RPRD2: variants seen among roughly 807,000 people sequenced by gnomAD.
RPRD2 encodes regulation of nuclear pre-mRNA domain containing 2, also known as regulation of nuclear pre-mRNA domain-containing protein 2.
A neutral mutation model predicts 104.4 loss-of-function variants in RPRD2; 12 were observed. The observed-to-expected ratio is 0.11, with a 90% CI of 0.07 to 0.19. The LOEUF is 0.19. RPRD2 is among the 10% of genes least tolerant of loss of function. The probability of loss-of-function intolerance (pLI) is 1.00; values close to 1 mark genes in which losing one functional copy is unlikely to be tolerated. For missense variants in RPRD2, 1,543 were observed against 1,790.1 expected (o/e 0.86, Z 2.49); for synonymous variants, 714 against 684.9 (o/e 1.04, Z -0.66).
intron 1 of RPRD2, among the ~76,000 whole-genome samples, chr1:150,392,276 T>C (rs371416578): frequency 7.2e-5 from 11 of 152,058 alleles, no homozygotes; most frequent in African/African-American, 2.2e-4. Context: ...GAGGCCAAGA[T>C]GGGTGGATCA....
At chr1:150,388,495 G>A (rs925341047) in intron 1 of RPRD2, among the ~76,000 whole-genome samples, 46 of 86,406 alleles carry the variant, frequency 5.3e-4, no homozygotes, top group Admixed American at 3.1e-3. Flanking sequence ...ATATATACCC[G>A]CGCACACACA....
intron 2 of RPRD2, among the ~76,000 whole-genome samples, chr1:150,439,869 GTTT>G (rs149319756): frequency 1.3e-4 from 20 of 151,896 alleles, no homozygotes; most frequent in African/African-American, 4.8e-4. Context: ...TTCCTGCATT[GTTT>G]TTTATTTCTT....
Position 150,399,756 on chromosome 1 carries a change from CA to C in RPRD2, c.206-17825del, listed in dbSNP as rs35551359. 2.7e-3 allele frequency among the ~76,000 whole-genome samples: 342 copies of C among 126,942 alleles called. 1 individual carries two copies. Among genetic ancestry groups the C allele is most frequent in the African/African-American group, 3.9e-3 (123 of 31,320 alleles). 83.3% of individuals were successfully genotyped at this position (126,942 alleles called of 152,430 possible). On this transcript the variant is annotated intron_variant, in intron 1 of 10. Transcript: ENST00000369068. Reference sequence around the variant, plus strand: ...TGGGTGACAGAGTGAGACCCCATCTCAAAAAAAAAAAAAAATTGATTGCCCA... The same window carrying C: ...TGGGTGACAGAGTGAGACCCCATCTCAAAAAAAAAAAAAATTGATTGCCCA...
At chr1:150,416,085 T>C (rs1340672182) in intron 1 of RPRD2, among the ~76,000 whole-genome samples, 2 of 152,154 alleles carry the variant, frequency 1.3e-5, no homozygotes, top group Non-Finnish European at 2.9e-5. Context: ...TATGATTTAA[T>C]TTTTTGTATG....
At chr1:150,461,099 GAAAT>G (rs1180629205) in intron 9 of RPRD2, among the ~76,000 whole-genome samples, 2 of 151,492 alleles carry the variant, frequency 1.3e-5, no homozygotes, top group Non-Finnish European at 2.9e-5. Context: ...CAAAGAGAAT[GAAAT>G]AAATATCTAG....
Position 150,401,645 on chromosome 1 carries a change from T to G in RPRD2, c.206-15951T>G, listed in dbSNP as rs587613770. Reference sequence around the variant, plus strand: ...CCTTTCATAGTACTTTTGATGGTTTTGTTTTGTTTTTTTTTTGAGACGGAG... The same window carrying G: ...CCTTTCATAGTACTTTTGATGGTTTGGTTTTGTTTTTTTTTTGAGACGGAG... On this transcript the variant is annotated intron_variant, in intron 1 of 10. Transcript: ENST00000369068. Among the ~76,000 whole-genome samples, 52 of 151,168 alleles carry G rather than the reference T, an allele frequency of 3.4e-4. No individual in the cohort carries two copies. The South Asian group carries it at 8.6e-3, about 25-fold the overall frequency.
chr1:150,377,207 C>T, intron 1 of RPRD2, among the ~76,000 whole-genome samples: 1 of 151,208 alleles, frequency 6.6e-6, no homozygotes, highest in Admixed American at 6.6e-5. Context: ...GAGACTATCT[C>T]CAGAAAAAAA....
intron 1 of RPRD2, among the ~76,000 whole-genome samples, chr1:150,381,425 A>G (rs1217262243): frequency 6.6e-6 from 1 of 152,008 alleles, no homozygotes; most frequent in East Asian, 1.9e-4. Context: ...GGCTCCAAAA[A>G]CACAAAAGTG....
At chr1:150,386,977 T>C (rs2102156837) in intron 1 of RPRD2, among the ~76,000 whole-genome samples, 1 of 152,332 alleles carries the variant, frequency 6.6e-6, no homozygotes, top group African/African-American at 2.4e-5. Flanking sequence ...TGCATAAGTT[T>C]TGATAGATGT....
chr1:150,420,103 A>T (rs1484951765), intron 2 of RPRD2, among the ~76,000 whole-genome samples: 2 of 152,174 alleles, frequency 1.3e-5, no homozygotes, highest in African/African-American at 4.8e-5. Flanking sequence ...TTTATGTATA[A>T]AACCCAGTAT....
intron 1 of RPRD2, among the ~76,000 whole-genome samples, chr1:150,398,740 A>G (rs927403913): frequency 3.3e-5 from 5 of 151,350 alleles, no homozygotes; most frequent in Admixed American, 6.6e-5. Context: ...ACCGGGTTTC[A>G]CCATGTCGGC....
At chr1:150,370,361 G>A (rs1553878123) in intron 1 of RPRD2, among the ~76,000 whole-genome samples, 1 of 152,074 alleles carries the variant, frequency 6.6e-6, no homozygotes, top group East Asian at 1.9e-4. Context: ...TCTATAAGTA[G>A]TTCTGTACCT....
intron 2 of RPRD2, among the ~76,000 whole-genome samples, chr1:150,421,541 A>G (rs1184917358): frequency 6.6e-6 from 1 of 152,206 alleles, no homozygotes; most frequent in Non-Finnish European, 1.5e-5. Context: ...AAGTAAGGTT[A>G]AAATTCCCTA....
intron 1 of RPRD2, among the ~76,000 whole-genome samples, chr1:150,411,803 A>G (rs1416891909): frequency 9.5e-5 from 7 of 74,040 alleles, no homozygotes; most frequent in Non-Finnish European, 1.7e-4. Context: ...AAAAAAAAAA[A>G]AAAAAAAAAA....
At chr1:150,464,896 A>C (rs1301490890) in intron 10 of RPRD2, among the ~76,000 whole-genome samples, 169 bp downstream of exon 10, 1 of 151,748 alleles carries the variant, frequency 6.6e-6, no homozygotes, top group Non-Finnish European at 1.5e-5. Context: ...TTTGAGATGG[A>C]GTCTCACTCT....
rs113619582 is a variant in RPRD2 at position 150,364,201 on chromosome 1, G to A, written c.-514G>A. Among the ~76,000 whole-genome samples the A allele has an allele frequency of 1.3e-5, 2 of 152,212 alleles. No homozygotes were observed. Among genetic ancestry groups the A allele is most frequent in the African/African-American group, 4.8e-5 (2 of 41,468 alleles). Reference sequence around the variant, plus strand: ...TTGCAAAAAAAATCCTGACTAGGTAGCCTTGGACCTTTTCTGTGCTAGCGA... The same window carrying A: ...TTGCAAAAAAAATCCTGACTAGGTAACCTTGGACCTTTTCTGTGCTAGCGA... On this transcript the variant is annotated 5_prime_UTR_variant, in exon 1 of 11. Coordinates refer to ENST00000369068, the MANE Select transcript of RPRD2 (RefSeq NM_015203.5).
intron 2 of RPRD2, among the ~76,000 whole-genome samples, chr1:150,438,836 T>C (rs3896342): frequency 0.3 from 45,233 of 151,750 alleles, 8,182 homozygotes; most frequent in Non-Finnish European, 0.4. Flanking sequence ...TAAGTACATA[T>C]CTAAACTTTT....
intron 1 of RPRD2, among the ~76,000 whole-genome samples, chr1:150,395,069 A>G (rs1662391302): frequency 2.0e-5 from 3 of 152,144 alleles, no homozygotes; most frequent in Admixed American, 2.0e-4. Context: ...TAAGTTCTTT[A>G]ATGGTGATTT....
At chr1:150,377,584 C>T (rs1660810622) in intron 1 of RPRD2, among the ~76,000 whole-genome samples, 1 of 131,428 alleles carries the variant, frequency 7.6e-6, no homozygotes, top group Admixed American at 8.1e-5. Context: ...GGCGACAGAG[C>T]AAGACTGCGT....
Sources: gnomAD v4.1 joint callset for allele counts (sites outside exome capture counted in the v4.1 genomes callset) on GRCh38, gnomAD v4.1.1 for gene constraint, MANE v1.5 for transcripts, NCBI Gene and HGNC (gene_info 2026-07-23, HGNC 2026-07-21) for gene names.